The following FHOD3 variants were observed in gnomAD, a reference collection of about 807,000 sequenced individuals.
The protein encoded by FHOD3 is FH1/FH2 domain-containing protein 3.
Under a neutral mutation model 173.0 loss-of-function variants are expected in FHOD3, and 90 were observed. That is an observed-to-expected ratio of 0.52 (90% CI 0.44 to 0.62). FHOD3 has a LOEUF of 0.62. Ranked by LOEUF, FHOD3 falls within the 20% of genes least tolerant of loss-of-function variation. The probability of loss-of-function intolerance (pLI) is 0.00; values close to 1 mark genes in which losing one functional copy is unlikely to be tolerated. For missense variants in FHOD3, 1,945 were observed against 2,034.7 expected (o/e 0.96, Z 0.85); for synonymous variants, 828 against 823.0 (o/e 1.01, Z -0.10).
At chr18:36,542,833 G>A (rs2057276898) in intron 5 of FHOD3, among the ~76,000 whole-genome samples, 1 of 152,050 alleles carries the variant, frequency 6.6e-6, no homozygotes, top group Non-Finnish European at 1.5e-5. Flanking sequence ...ATATTTGGAA[G>A]CACAAAAAAA....
chr18:36,532,434 AG>A (rs985757633), intron 5 of FHOD3, among the ~76,000 whole-genome samples: 2 of 152,206 alleles, frequency 1.3e-5, no homozygotes, highest in African/African-American at 4.8e-5. Flanking sequence ...CCTGGGGGAC[AG>A]GGGACCAGTG....
At chr18:36,623,489 G>A (rs1012531322) in intron 9 of FHOD3, among the ~76,000 whole-genome samples, 2 of 152,188 alleles carry the variant, frequency 1.3e-5, no homozygotes, top group African/African-American at 4.8e-5. Context: ...CCCACAGAAT[G>A]TCATTTAAAG....
At chr18:36,682,774 G>A (rs1432777140) in intron 15 of FHOD3, among the ~76,000 whole-genome samples, 2 of 152,072 alleles carry the variant, frequency 1.3e-5, no homozygotes, top group Middle Eastern at 3.2e-3. Flanking sequence ...TAGACATGGG[G>A]TTTTACTGTG....
At chr18:36,567,407 C>A (rs554068435) in intron 5 of FHOD3, among the ~76,000 whole-genome samples, 38 of 152,296 alleles carry the variant, frequency 2.5e-4, no homozygotes, top group South Asian at 1.5e-3. Context: ...TCCAGGCCAC[C>A]TTCCACATCG....
chr18:36,742,616 G>A lies in FHOD3; in HGVS notation c.3760-121G>A, dbSNP rs573897478. ...TCCATACCTAGGAGCAATGCCCATC[G>A]CGGGGGATTGCCTTGTGCTGGGGAG... On this transcript the variant is annotated intron_variant, in intron 21 of 28. Coordinates refer to ENST00000590592, the MANE Select transcript of FHOD3 (RefSeq NM_001281740.3). 3.2e-4 allele frequency: 356 copies of A among 1,096,126 alleles called. 7 individuals are homozygous for A. The South Asian group carries it at 5.1e-3, about 16-fold the overall frequency. 67.9% of individuals were successfully genotyped at this position (1,096,126 alleles called of 1,614,324 possible).
intron 10 of FHOD3, among the ~76,000 whole-genome samples, chr18:36,631,256 G>A (rs2034491621): frequency 6.6e-6 from 1 of 152,176 alleles, no homozygotes; most frequent in South Asian, 2.1e-4. Flanking sequence ...CTCACCAGAG[G>A]GGTGTTTAGA....
chr18:36,315,749 C>G (rs2044084793), intron 1 of FHOD3, among the ~76,000 whole-genome samples: 1 of 152,142 alleles, frequency 6.6e-6, no homozygotes, highest in Admixed American at 6.5e-5. Context: ...GGAGAGGACC[C>G]CAGATCTGCG....
chr18:36,593,072 G>A (rs1397813152), intron 6 of FHOD3, among the ~76,000 whole-genome samples: 1 of 152,174 alleles, frequency 6.6e-6, no homozygotes, highest in East Asian at 1.9e-4. Flanking sequence ...AAGAACCAAT[G>A]AAAAAGGAGC....
intron 3 of FHOD3, among the ~76,000 whole-genome samples, chr18:36,439,567 G>GTGTGTGTGTA (rs1486755510): frequency 1.4e-5 from 2 of 145,916 alleles, no homozygotes; most frequent in African/African-American, 5.2e-5. Context: ...GTGTGTGTGT[G>GTGTGTGTGTA]TATGTATGTA....
intron 14 of FHOD3, among the ~76,000 whole-genome samples, chr18:36,678,549 GAAGAAAGA>G (rs374492675): frequency 7.2e-5 from 8 of 111,768 alleles, no homozygotes; most frequent in South Asian, 2.8e-4. Flanking sequence ...AAAAAAAAAA[GAAGAAAGA>G]AAGAAAGAAA....
At chr18:36,375,000 C>CT (rs1568188532) in intron 3 of FHOD3, among the ~76,000 whole-genome samples, 1 of 152,112 alleles carries the variant, frequency 6.6e-6, no homozygotes, top group Admixed American at 6.5e-5. Flanking sequence ...TATTAAAAGC[C>CT]TTTTTTAAAA....
At chr18:36,679,547 A>G (rs760845144) in intron 14 of FHOD3, among the ~76,000 whole-genome samples, 4 of 152,050 alleles carry the variant, frequency 2.6e-5, no homozygotes, top group Non-Finnish European at 4.4e-5. Context: ...TTCCTTCTAA[A>G]TACTACTTTA....
In FHOD3 at chr18:36,316,044, A is replaced by G. The variant is rs577754358; in HGVS notation, c.165+18044A>G. 6.0e-5 allele frequency among the ~76,000 whole-genome samples: 9 copies of G among 150,552 alleles called. No homozygotes were observed. In the South Asian group the frequency reaches 1.9e-3, roughly 32 times the overall value. The stretch of plus-strand genomic sequence containing the variant: ...AGAAGGAGGGGTGGCCCCGGGCCTG[A>G]GATTTCTTTGTGTCTCAGGTCTCTG... On this transcript the variant is annotated intron_variant, in intron 1 of 28. Transcript: ENST00000590592.
intron 18 of FHOD3, among the ~76,000 whole-genome samples, chr18:36,713,010 A>G (rs188096772): frequency 8.2e-4 from 125 of 152,346 alleles, no homozygotes; most frequent in South Asian, 4.1e-4. Flanking sequence ...TATAAATTCT[A>G]TATCCCTCAT....
intron 3 of FHOD3, among the ~76,000 whole-genome samples, chr18:36,499,973 C>T (rs1405674629): frequency 7.2e-5 from 11 of 152,190 alleles, no homozygotes; most frequent in Admixed American, 7.2e-4. Flanking sequence ...CAGACCCCCA[C>T]CCTACAGTAT....
At chr18:36,336,603 G>A (rs185349714) in intron 1 of FHOD3, among the ~76,000 whole-genome samples, 10 of 150,400 alleles carry the variant, frequency 6.6e-5, no homozygotes, top group Admixed American at 3.3e-4. Flanking sequence ...TTGGGAGTCC[G>A]AGGCGGGCAG....
chr18:36,591,826 G>A (rs1170801155), intron 6 of FHOD3, among the ~76,000 whole-genome samples: 1 of 152,230 alleles, frequency 6.6e-6, no homozygotes, highest in African/African-American at 2.4e-5. Context: ...GAGAGGCTGA[G>A]GTGGGAGGAT....
chr18:36,714,500 G>C (rs539565656), intron 18 of FHOD3, among the ~76,000 whole-genome samples: 46 of 152,256 alleles, frequency 3.0e-4, no homozygotes, highest in African/African-American at 1.1e-3. Flanking sequence ...TCACATCACT[G>C]CACTCCAGTC....
rs115977659 is a variant in FHOD3, at chr18:36,647,884, G to A, written c.1197-1432G>A. Among the ~76,000 whole-genome samples, 707 of 152,348 alleles carry A rather than the reference G, an allele frequency of 4.6e-3. 4 individuals carry two copies. Among genetic ancestry groups the A allele is most frequent in the African/African-American group, 0.015 (636 of 41,590 alleles). The stretch of plus-strand genomic sequence containing the variant: ...TAACTTACACTATTTGATGTGGGGT[G>A]GGAGAGGGAAGCAATTGGAAAGGAG... On this transcript the variant is annotated intron_variant, in intron 10 of 28. Transcript: ENST00000590592.
Sources: allele counts gnomAD v4.1 joint callset (sites outside exome capture counted in the v4.1 genomes callset), GRCh38; gene constraint gnomAD v4.1.1; transcripts MANE v1.5; gene names NCBI Gene and HGNC (gene_info 2026-07-23, HGNC 2026-07-21).